The following HACD3 variants were observed in gnomAD, a reference collection of about 807,000 sequenced individuals.
HACD3 encodes very-long-chain (3R)-3-hydroxyacyl-CoA dehydratase 3.
Under a neutral mutation model 55.2 loss-of-function variants are expected in HACD3, and 30 were observed. That is an observed-to-expected ratio of 0.54 (90% CI 0.41 to 0.74). The LOEUF (loss-of-function observed/expected upper bound fraction) is 0.74. Among genes scored for constraint, HACD3 ranks in the 30% least tolerant of loss-of-function variants. The pLI is 0.00. For synonymous variants in HACD3, 141 were observed against 151.7 expected (o/e 0.93, Z 0.52); for missense variants, 363 against 440.1 (o/e 0.82, Z 1.57).
chr15:65,567,701 A>G (rs2072305999), intron 7 of HACD3, among the ~76,000 whole-genome samples: 1 of 152,234 alleles, frequency 6.6e-6, no homozygotes, highest in Non-Finnish European at 1.5e-5. Context: ...ACAATGGGAT[A>G]TTATGTAGCC....
chr15:65,535,361 A>G (rs2071944194), intron 1 of HACD3, among the ~76,000 whole-genome samples: 1 of 152,258 alleles, frequency 6.6e-6, no homozygotes, highest in African/African-American at 2.4e-5. Flanking sequence ...AAGACGTATT[A>G]CCTAATAGAA....
intron 10 of HACD3, among the ~76,000 whole-genome samples, chr15:65,576,083 G>A (rs2072397955): frequency 6.6e-6 from 1 of 152,204 alleles, no homozygotes; most frequent in East Asian, 1.9e-4. Flanking sequence ...GACAGAATGA[G>A]ACCCTGTCGC....
At chr15:65,555,175 G>T (rs1306056881) in intron 3 of HACD3, among the ~76,000 whole-genome samples, 1 of 152,198 alleles carries the variant, frequency 6.6e-6, no homozygotes, top group Non-Finnish European at 1.5e-5. Flanking sequence ...TTTATTAGCA[G>T]TGTGATCTTG....
At chr15:65,548,731 C>T (rs1159703745) in intron 1 of HACD3, among the ~76,000 whole-genome samples, 1 of 151,914 alleles carries the variant, frequency 6.6e-6, no homozygotes, top group East Asian at 1.9e-4. Flanking sequence ...TGCCACCACA[C>T]TTGGCTAATT....
At chr15:65,574,487 T>C (rs1225338841) in intron 10 of HACD3, 1 of 151,912 alleles carries the variant, frequency 6.6e-6, no homozygotes, top group Non-Finnish European at 1.5e-5. Flanking sequence ...TAACAGGAGA[T>C]AGAGGTTGTT....
intron 2 of HACD3, 94 bp downstream of exon 2, chr15:65,551,812 GT>G (rs1181366610): frequency 1.4e-6 from 2 of 1,454,150 alleles, no homozygotes; most frequent in Non-Finnish European, 1.9e-6. Flanking sequence ...TGTCTTACTT[GT>G]TTTTTGCTGA....
chr15:65,571,639 G>C lies in HACD3; in HGVS notation c.865G>C (p.Gly289Arg). ...YTLWIPLYPL[G>R]CLAEAVSVIQ... ...TCTGTGGATTCCCTTATATCCACTG[G>C]GATGTTTGGCGGAAGGTACTCTCAG... Residue 289 changes from glycine to arginine, a missense_variant, in exon 9 of 11, where the codon GGA becomes CGA. Gly to Arg is a moderately radical substitution (Grantham distance 125). Transcript: ENST00000261875. The C allele has an allele frequency of 1.2e-6, 2 of 1,612,652 alleles. No homozygotes were observed. The highest frequency in any genetic ancestry group is 2.2e-5 in the South Asian group (2 of 91,010).
At chr15:65,573,339 G>A (rs749236409) in intron 10 of HACD3, among the ~76,000 whole-genome samples, 1 of 152,082 alleles carries the variant, frequency 6.6e-6, no homozygotes, top group Non-Finnish European at 1.5e-5. Flanking sequence ...CAGGTATGGT[G>A]GTTCATGCCT....
At chr15:65,551,023 G>C (rs1202019016) in intron 1 of HACD3, 2 of 152,224 alleles carry the variant, frequency 1.3e-5, no homozygotes, top group Admixed American at 6.5e-5. Context: ...GGGGTTAAGA[G>C]AGTCTGGAGC....
At chr15:65,532,345 G>A (rs550086764) in intron 1 of HACD3, among the ~76,000 whole-genome samples, 6 of 152,194 alleles carry the variant, frequency 3.9e-5, no homozygotes, top group Non-Finnish European at 7.3e-5. Flanking sequence ...TACGGAACAG[G>A]CCAGGTGCTG....
intron 4 of HACD3, 142 bp downstream of exon 4, chr15:65,557,045 A>C: frequency 1.2e-6 from 1 of 852,362 alleles, no homozygotes; most frequent in African/African-American, 1.7e-5. Flanking sequence ...TGTGATTTTC[A>C]AGAAGTATTG....
chr15:65,534,050 C>CAA (rs11298076), intron 1 of HACD3, among the ~76,000 whole-genome samples: 2 of 136,860 alleles, frequency 1.5e-5, no homozygotes, highest in African/African-American at 5.3e-5. Context: ...GACTCCGTCT[C>CAA]AAAAAAAAAA....
At chr15:65,538,324 CA>C (rs2071984972) in intron 1 of HACD3, among the ~76,000 whole-genome samples, 1 of 151,992 alleles carries the variant, frequency 6.6e-6, no homozygotes. Flanking sequence ...TAAAAATGAA[CA>C]GGAGTTTCGA....
At chr15:65,558,831 G>A (rs2072219022) in intron 5 of HACD3, 100 bp downstream of exon 5, 4 of 1,395,442 alleles carry the variant, frequency 2.9e-6, no homozygotes, top group Middle Eastern at 1.8e-4. Flanking sequence ...ATTTCATCCC[G>A]GTGAGCTGTG....
At chr15:65,571,758 G>C (rs2072350504) in intron 9 of HACD3, 104 bp downstream of exon 9, 1 of 892,672 alleles carries the variant, frequency 1.1e-6, no homozygotes, top group Non-Finnish European at 1.7e-6. Flanking sequence ...AAATGGAAAT[G>C]TTGGATTTTT....
At chr15:65,556,460 A>ATGGAGAGCGAGTC (rs3837706) in intron 3 of HACD3, among the ~76,000 whole-genome samples, 65,617 of 151,608 alleles carry the variant, frequency 0.43, 16,800 homozygotes, top group Non-Finnish European at 0.57. Context: ...AATGCAAGTG[A>ATGGAGAGCGAGTC]TGGAGAGCGA....
chr15:65,576,137 T>G (rs1179926271), intron 10 of HACD3, among the ~76,000 whole-genome samples, 166 bp from the exon 11 acceptor site: 2 of 152,176 alleles, frequency 1.3e-5, no homozygotes, highest in Non-Finnish European at 2.9e-5. Context: ...TTGCTTTGTG[T>G]CTATTGTATT....
intron 6 of HACD3, among the ~76,000 whole-genome samples, 168 bp downstream of exon 6, chr15:65,563,052 A>G (rs909655103): frequency 1.3e-5 from 2 of 152,146 alleles, no homozygotes; most frequent in African/African-American, 4.8e-5. Flanking sequence ...GGCCTTGTGA[A>G]ATAAGCTGAC....
chr15:65,536,644 C>G (rs2071957968), intron 1 of HACD3, among the ~76,000 whole-genome samples: 1 of 152,128 alleles, frequency 6.6e-6, no homozygotes, highest in Non-Finnish European at 1.5e-5. Context: ...GTAATCCTAA[C>G]TACTCAGGAG....
Sources: gnomAD v4.1 joint callset for allele counts (sites outside exome capture counted in the v4.1 genomes callset) on GRCh38, gnomAD v4.1.1 for gene constraint, MANE v1.5 for transcripts, NCBI Gene and HGNC (gene_info 2026-07-23, HGNC 2026-07-21) for gene names.